HIBCH: variants seen among roughly 807,000 people sequenced by gnomAD.
The protein encoded by HIBCH is 3-hydroxyisobutyryl-CoA hydrolase, mitochondrial.
Under a neutral mutation model 58.2 loss-of-function variants are expected in HIBCH, and 50 were observed. That is an observed-to-expected ratio of 0.86 (90% CI 0.68 to 1.09). The LOEUF (loss-of-function observed/expected upper bound fraction) is 1.09. Among genes scored for constraint, HIBCH ranks in the 50% least tolerant of loss-of-function variants. The pLI, the probability that HIBCH is intolerant of heterozygous loss-of-function variation, is 0.00. For synonymous variants in HIBCH, 151 were observed against 146.9 expected (o/e 1.03, Z -0.20); for missense variants, 450 against 449.7 (o/e 1.00, Z -0.01).
chr2:190,225,437 T>A (rs2105914022), intron 11 of HIBCH, among the ~76,000 whole-genome samples: 1 of 152,180 alleles, frequency 6.6e-6, no homozygotes, highest in East Asian at 1.9e-4. Flanking sequence ...ATAAAGGGGA[T>A]ATCACCACCG....
At chr2:190,294,022 GTATATATATATATATATA>G (rs1553505756) in intron 4 of HIBCH, among the ~76,000 whole-genome samples, 80 of 83,024 alleles carry the variant, frequency 9.6e-4, no homozygotes, top group African/African-American at 3.2e-3. Context: ...TATTTTGTGT[GTATATATATATATATATA>G]TATATATATA....
intron 2 of HIBCH, among the ~76,000 whole-genome samples, chr2:190,299,163 A>G (rs1253981397): frequency 6.6e-6 from 1 of 152,242 alleles, no homozygotes; most frequent in Non-Finnish European, 1.5e-5. Flanking sequence ...GAGAATGCCA[A>G]TTAAAACTAA....
chr2:190,208,897 T>A lies in HIBCH; in HGVS notation c.1028A>T (p.His343Leu), dbSNP rs182123874. Reference protein sequence around the residue: ...SQACMRGHDFHEGVRAVLIDK... With the variant: ...SQACMRGHDFLEGVRAVLIDK... ...CCACTTACCAGCTCTAACGCCTTCA[T>A]GAAAGTCATGACCTCTCTGAAAGAA... Residue 343 changes from histidine to leucine, a missense_variant, in exon 13 of 14, where the codon CAT becomes CTT. Physicochemically the swap from His to Leu is moderately conservative, Grantham distance 99. Coordinates refer to ENST00000359678, the MANE Select transcript of HIBCH (RefSeq NM_014362.4). 3.7e-6 allele frequency: 6 copies of A among 1,613,766 alleles called. No homozygotes were observed. The Admixed American group carries it at 1.0e-4, about 27-fold the overall frequency.
chr2:190,226,814 G>A (rs908221911), intron 11 of HIBCH, among the ~76,000 whole-genome samples: 1 of 152,056 alleles, frequency 6.6e-6, no homozygotes, highest in Non-Finnish European at 1.5e-5. Flanking sequence ...AATCATGAGT[G>A]AACTCCCATT....
chr2:190,228,966 C>A (rs1340669717), intron 11 of HIBCH, among the ~76,000 whole-genome samples: 1 of 152,150 alleles, frequency 6.6e-6, no homozygotes, highest in Non-Finnish European at 1.5e-5. Flanking sequence ...CCAAAGAACC[C>A]TTCTTTTGAC....
chr2:190,210,663 T>C lies in HIBCH; in HGVS notation c.1012-1750A>G, dbSNP rs1453853866. ...CTCTGCACAGCCTTTCTCTACACTGTTTCCTCTGACCTCATCTCTCACTCA... is the reference window on the plus strand; with the variant it reads ...CTCTGCACAGCCTTTCTCTACACTGCTTCCTCTGACCTCATCTCTCACTCA... On this transcript the variant is annotated intron_variant, in intron 12 of 13. Transcript: ENST00000359678. The surrounding 1 kb of genome is among the most constrained non-coding windows in gnomAD (Gnocchi z 5.5). Among the ~76,000 whole-genome samples the C allele has an allele frequency of 2.0e-5, 3 of 152,158 alleles. No individual in the cohort carries two copies. Among genetic ancestry groups the C allele is most frequent in the Non-Finnish European group, 4.4e-5 (3 of 68,024 alleles).
intron 3 of HIBCH, among the ~76,000 whole-genome samples, chr2:190,294,898 C>A (rs1162487075): frequency 6.6e-6 from 1 of 152,066 alleles, no homozygotes; most frequent in Non-Finnish European, 1.5e-5. Flanking sequence ...CAAGATGGCA[C>A]CTGAAATCTT....
intron 4 of HIBCH, among the ~76,000 whole-genome samples, chr2:190,290,837 C>G (rs908707155): frequency 6.6e-6 from 1 of 152,106 alleles, no homozygotes; most frequent in African/African-American, 2.4e-5. Context: ...CCTGGTGAAA[C>G]TCTGTCTCAA....
At chr2:190,269,806 A>C (rs1007499957) in intron 6 of HIBCH, among the ~76,000 whole-genome samples, 1 of 152,240 alleles carries the variant, frequency 6.6e-6, no homozygotes, top group Non-Finnish European at 1.5e-5. Context: ...ACAATAGCAA[A>C]GAGTTGGAAC....
At chr2:190,283,367 C>T (rs560705574) in intron 6 of HIBCH, among the ~76,000 whole-genome samples, 3 of 152,188 alleles carry the variant, frequency 2.0e-5, no homozygotes, top group African/African-American at 7.2e-5. Context: ...TTAGCCTGTG[C>T]GGTCTAACCC....
chr2:190,203,584 A>G (rs1433608984), downstream of HIBCH: 1 of 153,092 alleles, frequency 6.5e-6, no homozygotes, highest in East Asian at 1.9e-4. Context: ...CATTGTTAAC[A>G]AATATAGAGA....
intron 6 of HIBCH, among the ~76,000 whole-genome samples, chr2:190,274,074 T>A (rs1418133894): frequency 6.6e-6 from 1 of 152,176 alleles, no homozygotes; most frequent in Admixed American, 6.5e-5. Flanking sequence ...AGCGCTGGGA[T>A]TACAGGCATG....
At chr2:190,307,243 T>C (rs1268226694) in intron 2 of HIBCH, among the ~76,000 whole-genome samples, 1 of 152,206 alleles carries the variant, frequency 6.6e-6, no homozygotes, top group Non-Finnish European at 1.5e-5. Flanking sequence ...TATCATTTCA[T>C]GCACTCCAAA....
At position 190,197,628 on chromosome 2, in the gene HIBCH, T is replaced by TAG. The variant is rs919263788; in HGVS notation, c.*17+7470_*17+7471dup. 7.9e-5 allele frequency among the ~76,000 whole-genome samples: 12 copies of TAG among 152,228 alleles called. No homozygotes were observed. Among genetic ancestry groups the TAG allele is most frequent in the African/African-American group, 2.7e-4 (11 of 41,454 alleles). On this transcript the variant is annotated intron_variant, in intron 1 of 1. Transcript: ENST00000399855. The surrounding 1 kb of genome is among the most constrained non-coding windows in gnomAD (Gnocchi z 4.0). ...GGTAATGCTGGGAGATACCCCCAGG[T>TAG]AGAATCCCACAATGACCATCTGTGG...
intron 6 of HIBCH, among the ~76,000 whole-genome samples, chr2:190,263,205 C>A (rs1687141932): frequency 6.6e-6 from 1 of 152,160 alleles, no homozygotes; most frequent in Non-Finnish European, 1.5e-5. Context: ...TAATTTTATA[C>A]AGATTCATTC....
At position 190,215,223 on chromosome 2, in the gene HIBCH, G is replaced by A. The variant is rs1325447095; in HGVS notation, c.892-2148C>T. ...AATATTGTGTTTACTGGGGAAGAGA[G>A]GGGAATAATTATAAGGGCAGCCATA... On this transcript the variant is annotated intron_variant, in intron 11 of 13. Transcript: ENST00000359678. The surrounding 1 kb of genome is among the most constrained non-coding windows in gnomAD (Gnocchi z 4.4). 1 of 152,172 alleles carries A rather than the reference G, an allele frequency of 6.6e-6. No individual in the cohort carries two copies. The highest frequency in any genetic ancestry group is 1.5e-5 in the Non-Finnish European group (1 of 68,032). The allele number at this position is 152,172 out of a possible 1,614,324, so 9.4% of individuals were successfully genotyped here. A position where few individuals can be genotyped will look rare whatever the true frequency, so the allele number is the denominator to read the frequency against.
At chr2:190,194,777 A>G (rs1225047247) in intron 1 of HIBCH, among the ~76,000 whole-genome samples, 1 of 152,128 alleles carries the variant, frequency 6.6e-6, no homozygotes, top group Non-Finnish European at 1.5e-5. Flanking sequence ...TATAGTTGTA[A>G]TCATACAGCA....
At chr2:190,297,120 G>A (rs1005006164) in intron 2 of HIBCH, among the ~76,000 whole-genome samples, 167 bp from the exon 3 acceptor site, 2 of 152,128 alleles carry the variant, frequency 1.3e-5, no homozygotes, top group Non-Finnish European at 2.9e-5. Flanking sequence ...TTATGTAGAC[G>A]AACAATTCCA....
intron 2 of HIBCH, among the ~76,000 whole-genome samples, chr2:190,299,712 G>C (rs753150521): frequency 6.6e-6 from 1 of 152,024 alleles, no homozygotes; most frequent in African/African-American, 2.4e-5. Context: ...GGGTACATGC[G>C]CAGGTTTGTT....
Sources: gnomAD v4.1 joint callset for allele counts (sites outside exome capture counted in the v4.1 genomes callset) on GRCh38, gnomAD v4.1.1 for gene constraint, Gnocchi (gnomAD v3.1) non-coding constraint, MANE v1.5 for transcripts, NCBI Gene and HGNC (gene_info 2026-07-23, HGNC 2026-07-21) for gene names.